Variants in CUEDC1 observed in about 807,000 individuals in gnomAD.
The protein encoded by CUEDC1 is CUE domain-containing protein 1.
Under a neutral mutation model 43.7 loss-of-function variants are expected in CUEDC1, and 30 were observed. That is an observed-to-expected ratio of 0.69 (90% CI 0.51 to 0.93). The LOEUF (loss-of-function observed/expected upper bound fraction) is 0.93, where lower values mean the gene tolerates loss of function less well. Ranked by LOEUF, CUEDC1 falls within the 40% of genes least tolerant of loss-of-function variation. The probability of loss-of-function intolerance (pLI) is 0.00; values close to 1 mark genes in which losing one functional copy is unlikely to be tolerated. For missense variants in CUEDC1, 486 were observed against 549.0 expected (o/e 0.89, Z 1.15); for synonymous variants, 223 against 223.6 (o/e 1.00, Z 0.02).
chr17:57,939,868 G>T (rs1314418946), intron 1 of CUEDC1, among the ~76,000 whole-genome samples: 1 of 152,196 alleles, frequency 6.6e-6, no homozygotes, highest in Non-Finnish European at 1.5e-5. Context: ...ATCCACAGCA[G>T]CAGCGGCGTC....
chr17:57,878,602 A>G (rs2074161220), intron 3 of CUEDC1, among the ~76,000 whole-genome samples: 1 of 152,038 alleles, frequency 6.6e-6, no homozygotes, highest in Non-Finnish European at 1.5e-5. Context: ...GCCCAGAAAA[A>G]CAAGCACCCC....
intron 1 of CUEDC1, among the ~76,000 whole-genome samples, chr17:57,896,358 C>T (rs1391678051): frequency 6.6e-6 from 1 of 152,132 alleles, no homozygotes; most frequent in Non-Finnish European, 1.5e-5. Flanking sequence ...ATCCTCCTCT[C>T]TCTATATAAT....
intron 1 of CUEDC1, among the ~76,000 whole-genome samples, chr17:57,937,853 G>A (rs2074876741): frequency 6.6e-6 from 1 of 152,144 alleles, no homozygotes; most frequent in South Asian, 2.1e-4. Flanking sequence ...GCTGCAGTGA[G>A]CTGTGATGGT....
chr17:57,887,049 C>A (rs560443555), intron 1 of CUEDC1, among the ~76,000 whole-genome samples: 105 of 152,212 alleles, frequency 6.9e-4, no homozygotes, highest in African/African-American at 2.3e-3. Context: ...TCTCGATCTC[C>A]TGACCTCGTG....
intron 1 of CUEDC1, among the ~76,000 whole-genome samples, chr17:57,952,661 T>C (rs1476018108): frequency 1.3e-5 from 2 of 152,196 alleles, no homozygotes; most frequent in African/African-American, 4.8e-5. Flanking sequence ...CCCAAGGCTC[T>C]AGAATACTCC....
At chr17:57,877,472 G>T (rs72837802) in intron 3 of CUEDC1, among the ~76,000 whole-genome samples, 2 of 145,286 alleles carry the variant, frequency 1.4e-5, no homozygotes, top group Non-Finnish European at 3.0e-5. Flanking sequence ...TCTATTTAAA[G>T]AAAAAAAAAT....
intron 1 of CUEDC1, among the ~76,000 whole-genome samples, chr17:57,886,260 G>T (rs993269583): frequency 1.3e-5 from 2 of 152,138 alleles, no homozygotes; most frequent in African/African-American, 4.8e-5. Flanking sequence ...TCAAGTCACT[G>T]GTCTCTACCA....
At chr17:57,879,495 C>G in intron 3 of CUEDC1, 116 bp downstream of exon 3, 1 of 1,293,736 alleles carries the variant, frequency 7.7e-7, no homozygotes, top group South Asian at 1.8e-5. Context: ...GCAGTAGAAG[C>G]CTGTTCTTTG....
In CUEDC1 at chr17:57,869,173, C is replaced by T. The variant is rs1340936408; in HGVS notation, c.889G>A (p.Ala297Thr). 3.7e-6 allele frequency: 6 copies of T among 1,613,962 alleles called. No individual in the cohort carries two copies. The highest frequency in any genetic ancestry group is 1.7e-4 in the Middle Eastern group (1 of 6,060). ...CTGAATAAGGCATCTTCAGACACAG[C>T]GGGGTTGGCGTCGCCAGTTCCTGGA... ...PVPGTGDANP[A>T]VSEDALFRDK... The change falls in exon 7 of 11, where the codon GCT becomes ACT. Residue 297 changes from alanine to threonine, a missense_variant. Coordinates refer to ENST00000577830, the MANE Select transcript of CUEDC1 (RefSeq NM_001271875.2).
chr17:57,890,691 G>A (rs2074346138), intron 1 of CUEDC1, among the ~76,000 whole-genome samples: 1 of 152,212 alleles, frequency 6.6e-6, no homozygotes, highest in African/African-American at 2.4e-5. Flanking sequence ...TAAGCACGCA[G>A]CCAAGGCCTG....
chr17:57,880,148 T>C (rs2074184269), intron 2 of CUEDC1, among the ~76,000 whole-genome samples: 1 of 152,184 alleles, frequency 6.6e-6, no homozygotes, highest in Non-Finnish European at 1.5e-5. Context: ...GAGCTGGTGC[T>C]GATAATGTGG....
rs1337075558 is a variant in CUEDC1 at position 57,879,529 on chromosome 17, A to G, written c.464+82T>C. 2.0e-6 allele frequency: 3 copies of G among 1,470,724 alleles called. No individual in the cohort carries two copies. The African/African-American group carries it at 4.4e-5, about 22-fold the overall frequency. 91.1% of individuals were successfully genotyped at this position (1,470,724 alleles called of 1,614,324 possible). ...TGAAATATACTGAGCAGTCCAGCCA[A>G]GTTTCGTGTTGTTTGTACACAGCCC... On this transcript the variant is annotated intron_variant, in intron 3 of 10. Transcript: ENST00000577830.
intron 1 of CUEDC1, among the ~76,000 whole-genome samples, chr17:57,913,075 C>T (rs1447588457): frequency 6.6e-6 from 1 of 152,122 alleles, no homozygotes; most frequent in African/African-American, 2.4e-5. Context: ...CCTGTAATCC[C>T]AGCACTTTGG....
At chr17:57,923,664 G>A (rs1312222931) in intron 1 of CUEDC1, among the ~76,000 whole-genome samples, 1 of 152,194 alleles carries the variant, frequency 6.6e-6, no homozygotes, top group East Asian at 1.9e-4. Context: ...CCAGGAGCTG[G>A]CAAAGTAAAG....
chr17:57,938,389 A>G (rs746576128), intron 1 of CUEDC1, among the ~76,000 whole-genome samples: 1 of 152,070 alleles, frequency 6.6e-6, no homozygotes, highest in African/African-American at 2.4e-5. Flanking sequence ...TCCCTGCTCC[A>G]TGGCCTTCCA....
rs1384781928 is a variant in CUEDC1 at position 57,867,359 on chromosome 17, C to G, written c.1091G>C (p.Cys364Ser). Residue 364 changes from cysteine (C) to serine (S), a missense_variant and splice_region_variant, in exon 9 of 11, where the codon TGT (cysteine) becomes TCT (serine). Physicochemically the swap from Cys to Ser is moderately radical, Grantham distance 112. Coordinates refer to ENST00000577830, the MANE Select transcript of CUEDC1 (RefSeq NM_001271875.2). ...NLLDDVEGHA[C>S]DEDFRGRRQE... ...TTACGACTCCCCTCCAGCCTCACCA[C>G]ACGCGTGGCCCTCCACATCATCCAG... 6.4e-7 allele frequency: 1 copy of G among 1,552,004 alleles called. No individual in the cohort carries two copies. Among genetic ancestry groups the G allele is most frequent in the East Asian group, 2.4e-5 (1 of 40,970 alleles).
chr17:57,919,358 T>G (rs909378422), intron 1 of CUEDC1, among the ~76,000 whole-genome samples: 2 of 150,324 alleles, frequency 1.3e-5, no homozygotes, highest in African/African-American at 4.9e-5. Flanking sequence ...TTTTGTATTT[T>G]TAGTAGAGAC....
At position 57,897,961 on chromosome 17, in the gene CUEDC1, C is replaced by T. The variant is rs184160124; in HGVS notation, c.-315-12082G>A. On this transcript the variant is annotated intron_variant, in intron 1 of 10. Coordinates refer to ENST00000577830, the MANE Select transcript of CUEDC1 (RefSeq NM_001271875.2). ...CCAGGATGCAGAGGTTGCAATGAGC[C>T]GAGATTGCACCACTGCACTCCAGCC... Among the ~76,000 whole-genome samples, 842 of 152,168 alleles carry T rather than the reference C, an allele frequency of 5.5e-3. 8 individuals carry two copies. The highest frequency in any genetic ancestry group is 0.02 in the African/African-American group (816 of 41,512).
In CUEDC1 at chr17:57,872,553, A is replaced by G. The variant is rs2074048681; in HGVS notation, c.784+110T>C. On this transcript the variant is annotated intron_variant, in intron 5 of 10. Coordinates refer to ENST00000577830, the MANE Select transcript of CUEDC1 (RefSeq NM_001271875.2). Reference sequence around the variant, plus strand: ...GGAGTCATGCCTCAATAGGACAGAAAGCACCTGGCCCCCTCAGCCCCCAGC... The same window carrying G: ...GGAGTCATGCCTCAATAGGACAGAAGGCACCTGGCCCCCTCAGCCCCCAGC... The G allele has an allele frequency of 2.4e-6, 3 of 1,227,506 alleles. No individual in the cohort carries two copies. In the Admixed American group the frequency reaches 7.4e-5, roughly 30 times the overall value. The allele number at this position is 1,227,506 out of a possible 1,614,324, so 76.0% of individuals were successfully genotyped here.
Sources: gnomAD v4.1 joint callset for allele counts (sites outside exome capture counted in the v4.1 genomes callset) on GRCh38, gnomAD v4.1.1 for gene constraint, MANE v1.5 for transcripts, NCBI Gene and HGNC (gene_info 2026-07-23, HGNC 2026-07-21) for gene names.